Variants in RPF2 observed in about 807,000 individuals in gnomAD.
The protein encoded by RPF2 is brix domain containing 1.
RPF2 carries 21 observed loss-of-function variants against 38.9 expected under a neutral mutation model. The observed-to-expected ratio is 0.54, with a 90% CI of 0.38 to 0.78. The LOEUF (loss-of-function observed/expected upper bound fraction) is 0.78, where lower values mean the gene tolerates loss of function less well. Ranked by LOEUF, RPF2 falls within the 30% of genes least tolerant of loss-of-function variation. RPF2 has a pLI of 0.00. For missense variants in RPF2, 314 were observed against 358.1 expected, an observed-to-expected ratio of 0.88 and a Z score of 0.99; for synonymous variants, 121 against 126.2, an observed-to-expected ratio of 0.96 and a Z score of 0.28.
At chr6:110,986,143 G>A (rs748093823) in intron 2 of RPF2, among the ~76,000 whole-genome samples, 2 of 152,170 alleles carry the variant, frequency 1.3e-5, no homozygotes, top group African/African-American at 4.8e-5. Flanking sequence ...ATTGGGCATG[G>A]CCAAAGGAGA....
At chr6:111,000,601 C>G (rs1183463247) in intron 6 of RPF2, among the ~76,000 whole-genome samples, 1 of 152,144 alleles carries the variant, frequency 6.6e-6, no homozygotes. Context: ...AGTAAAAATA[C>G]TCTTAGAAAG....
Position 111,025,547 on chromosome 6 carries a change from C to T in RPF2, c.886C>T (p.His296Tyr), listed in dbSNP as rs1364207785. The change falls in exon 10 of 10, where the codon CAC becomes TAC. Residue 296 changes from histidine (H) to tyrosine (Y), a missense_variant. His to Tyr is a moderately conservative substitution (Grantham distance 83). Coordinates refer to ENST00000441448, the MANE Select transcript of RPF2 (RefSeq NM_032194.3). ...KRPAERITED[H>Y]EKKSKRIKKN ...ACCTGCAGAAAGGATAACAGAAGAC[C>T]ACGAGAAAAAGTCAAAAAGAATTAA... The T allele has an allele frequency of 2.5e-6, 4 of 1,606,572 alleles. No individual in the cohort carries two copies. The highest frequency in any genetic ancestry group is 1.3e-5 in the African/African-American group (1 of 74,158).
chr6:111,021,037 C>T (rs549653460), intron 8 of RPF2, among the ~76,000 whole-genome samples: 16 of 151,950 alleles, frequency 1.1e-4, no homozygotes, highest in South Asian at 2.1e-4. Context: ...GACATGGTGG[C>T]GCATGCCTGT....
intron 6 of RPF2, among the ~76,000 whole-genome samples, chr6:111,001,646 A>G (rs4245545): frequency 0.99 from 150,849 of 152,252 alleles, 74,729 homozygotes; most frequent in Middle Eastern, 1. Flanking sequence ...GTGCTGGGGT[A>G]CCCAGCTGTC....
At chr6:111,022,876 A>T (rs1772258352) in intron 8 of RPF2, among the ~76,000 whole-genome samples, 1 of 152,210 alleles carries the variant, frequency 6.6e-6, no homozygotes, top group Non-Finnish European at 1.5e-5. Flanking sequence ...TTGAAAATTA[A>T]AATACATGTC....
chr6:110,991,669 AAT>A, intron 3 of RPF2, 76 bp from the exon 4 acceptor site: 1 of 494,830 alleles, frequency 2.0e-6, no homozygotes, highest in Non-Finnish European at 3.6e-6. Context: ...TTATCATCTG[AAT>A]ATAAAATTAC....
intron 2 of RPF2, among the ~76,000 whole-genome samples, chr6:110,986,578 T>C (rs1771529357): frequency 6.6e-6 from 1 of 152,194 alleles, no homozygotes; most frequent in Non-Finnish European, 1.5e-5. Flanking sequence ...AAAAGCTTTG[T>C]TTTTTCTACC....
intron 6 of RPF2, among the ~76,000 whole-genome samples, chr6:111,006,668 C>T (rs1408759847): frequency 6.6e-6 from 1 of 152,136 alleles, no homozygotes; most frequent in Non-Finnish European, 1.5e-5. Context: ...AGTACAGTGG[C>T]ACGATCATGG....
At position 110,997,231 on chromosome 6, in the gene RPF2, C is replaced by T. The variant is rs1332249704; in HGVS notation, c.283C>T (p.His95Tyr). Residue 95 changes from histidine to tyrosine, a missense_variant, in exon 5 of 10, where the codon CAT becomes TAT. By Grantham distance (83) the His-to-Tyr change is moderately conservative. Transcript: ENST00000441448. ...SDCSLFMFGSHNKKRPNNLVI... is the reference protein window; with the variant it reads ...SDCSLFMFGSYNKKRPNNLVI... ...TTGTTCTTTATTCATGTTTGGCTCC[C>T]ATAATAAGAAGCGGCCAAATAATCT... The T allele has an allele frequency of 6.2e-7, 1 of 1,602,654 alleles. No homozygotes were observed. Among genetic ancestry groups the T allele is most frequent in the Admixed American group, 1.7e-5 (1 of 59,778 alleles).
chr6:110,982,317 A>G (rs149353994), intron 1 of RPF2, 188 bp downstream of exon 1: 29 of 646,512 alleles, frequency 4.5e-5, no homozygotes, highest in African/African-American at 3.3e-4. Flanking sequence ...GAAGCTCTCA[A>G]GTGGGAGCCG....
At chr6:110,995,549 G>T (rs1217562804) in intron 4 of RPF2, among the ~76,000 whole-genome samples, 2 of 152,064 alleles carry the variant, frequency 1.3e-5, no homozygotes, top group Non-Finnish European at 2.9e-5. Flanking sequence ...AAAATGGAGG[G>T]TTATGACTCT....
chr6:110,997,779 C>T (rs1583263669), intron 5 of RPF2, among the ~76,000 whole-genome samples: 2 of 151,958 alleles, frequency 1.3e-5, no homozygotes, highest in Non-Finnish European at 1.5e-5. Context: ...ACGCTTTGAG[C>T]GCCAAGCAGG....
intron 2 of RPF2, among the ~76,000 whole-genome samples, chr6:110,988,150 C>T (rs1771555262): frequency 1.3e-5 from 2 of 152,200 alleles, no homozygotes; most frequent in Admixed American, 6.6e-5. Context: ...CTGCAGTAAG[C>T]TTTAATCACG....
chr6:111,003,368 G>A (rs1771847564), intron 6 of RPF2, among the ~76,000 whole-genome samples: 1 of 151,398 alleles, frequency 6.6e-6, no homozygotes, highest in South Asian at 2.1e-4. Context: ...TCGTCTCACT[G>A]CAACATGCGC....
intron 2 of RPF2, among the ~76,000 whole-genome samples, chr6:110,985,503 C>G (rs1374302172): frequency 6.6e-6 from 1 of 152,160 alleles, no homozygotes; most frequent in Non-Finnish European, 1.5e-5. Flanking sequence ...AGTCATTCAA[C>G]AACACCGGTT....
At chr6:110,999,596 T>A in intron 5 of RPF2, 115 bp from the exon 6 acceptor site, 1 of 642,594 alleles carries the variant, frequency 1.6e-6, no homozygotes, top group Non-Finnish European at 2.9e-6. Flanking sequence ...TTTGCGGGGG[T>A]ATAGGGAGAA....
At chr6:110,984,348 A>G (rs1008553380) in intron 1 of RPF2, among the ~76,000 whole-genome samples, 11 of 152,178 alleles carry the variant, frequency 7.2e-5, no homozygotes, top group Non-Finnish European at 1.5e-4. Context: ...TGAAGAAAAA[A>G]GAAGAGTAAG....
intron 2 of RPF2, among the ~76,000 whole-genome samples, chr6:110,987,371 T>TA (rs1771542031): frequency 6.6e-6 from 1 of 152,212 alleles, no homozygotes; most frequent in African/African-American, 2.4e-5. Flanking sequence ...GAATATATTT[T>TA]AAACTTGACC....
chr6:111,004,287 A>G (rs184990064), intron 6 of RPF2, among the ~76,000 whole-genome samples: 68 of 150,454 alleles, frequency 4.5e-4, no homozygotes, highest in African/African-American at 1.6e-3. Context: ...GGTTCACGCG[A>G]TTCTCCTGCC....
Sources: gnomAD v4.1 joint callset for allele counts (sites outside exome capture counted in the v4.1 genomes callset) on GRCh38, gnomAD v4.1.1 for gene constraint, MANE v1.5 for transcripts, NCBI Gene and HGNC (gene_info 2026-07-23, HGNC 2026-07-21) for gene names.